SMPD3: variants seen among roughly 807,000 people sequenced by gnomAD.
SMPD3 encodes the protein sphingomyelin phosphodiesterase 3.
In SMPD3, 21 loss-of-function variants were observed where a neutral mutation model predicts 55.7. The ratio of observed to expected loss-of-function variants is 0.38; its 90% confidence interval spans 0.27 to 0.54. The LOEUF (loss-of-function observed/expected upper bound fraction) is 0.54, where lower values mean the gene tolerates loss of function less well. Among genes scored for constraint, SMPD3 ranks in the 20% least tolerant of loss-of-function variants. The pLI is 0.80. For missense variants in SMPD3, 842 were observed against 899.6 expected, an observed-to-expected ratio of 0.94 and a Z score of 0.82; for synonymous variants, 457 against 404.3, an observed-to-expected ratio of 1.13 and a Z score of -1.56.
chr16:68,430,160 A>G (rs2090468432), intron 1 of SMPD3, among the ~76,000 whole-genome samples: 1 of 152,124 alleles, frequency 6.6e-6, no homozygotes, highest in Non-Finnish European at 1.5e-5. Flanking sequence ...CTTTGACCTG[A>G]CAGCAGCAAA....
intron 1 of SMPD3, among the ~76,000 whole-genome samples, chr16:68,434,584 A>G (rs896749644): frequency 1.3e-5 from 2 of 152,240 alleles, no homozygotes; most frequent in Non-Finnish European, 2.9e-5. Flanking sequence ...TTACAAGGGA[A>G]TGTTAAATGC....
intron 3 of SMPD3, among the ~76,000 whole-genome samples, chr16:68,370,482 A>T (rs1417497081): frequency 1.3e-5 from 2 of 151,702 alleles, no homozygotes; most frequent in African/African-American, 4.8e-5. Flanking sequence ...TATCACTGCC[A>T]CCATCTCCAC....
chr16:68,371,554 C>A lies in SMPD3; in HGVS notation c.628G>T (p.Val210Leu). ...VPGSIKRTAS[V>L]EYKGDGGRHP... ...CGCCCACCGTCACCCTTGTACTCCA[C>A]AGAGGCTGTCCTCTTAATGCTCCCG... Residue 210 changes from valine (V) to leucine (L), a missense_variant, in exon 3 of 9, where the codon GTG (valine) becomes TTG (leucine). Transcript: ENST00000219334. 1 of 1,597,192 alleles carries A rather than the reference C, an allele frequency of 6.3e-7. No individual in the cohort carries two copies. The highest frequency in any genetic ancestry group is 8.5e-7 in the Non-Finnish European group (1 of 1,175,426).
chr16:68,381,582 C>T (rs1021996275), intron 2 of SMPD3, among the ~76,000 whole-genome samples: 4 of 152,224 alleles, frequency 2.6e-5, no homozygotes, highest in East Asian at 1.9e-4. Flanking sequence ...AAAGTGATCT[C>T]GGGTATTGCT....
intron 1 of SMPD3, among the ~76,000 whole-genome samples, chr16:68,434,877 G>C (rs1414762680): frequency 2.0e-5 from 3 of 152,196 alleles, no homozygotes; most frequent in African/African-American, 7.2e-5. Flanking sequence ...CTGCAGAGTG[G>C]TTTTAAAGGC....
At chr16:68,386,301 T>C (rs1033661171) in intron 2 of SMPD3, among the ~76,000 whole-genome samples, 6 of 152,178 alleles carry the variant, frequency 3.9e-5, no homozygotes, top group Non-Finnish European at 8.8e-5. Flanking sequence ...ATTCCTTTTA[T>C]GAAGTGCTGC....
intron 1 of SMPD3, among the ~76,000 whole-genome samples, chr16:68,397,350 T>TG (rs2090166490): frequency 6.6e-6 from 1 of 152,168 alleles, no homozygotes; most frequent in African/African-American, 2.4e-5. Flanking sequence ...CATCAACTGT[T>TG]GTCCTGGATA....
intron 1 of SMPD3, among the ~76,000 whole-genome samples, chr16:68,405,324 T>C (rs1227901026): frequency 6.6e-6 from 1 of 151,740 alleles, no homozygotes; most frequent in Non-Finnish European, 1.5e-5. Context: ...GCTGAAGCAA[T>C]CAGATCTCTT....
chr16:68,373,729 G>A (rs1327125203), intron 2 of SMPD3, among the ~76,000 whole-genome samples: 1 of 152,162 alleles, frequency 6.6e-6, no homozygotes, highest in Non-Finnish European at 1.5e-5. Flanking sequence ...GGGCTGCAGG[G>A]ATGCTCTCTA....
intron 1 of SMPD3, among the ~76,000 whole-genome samples, chr16:68,410,135 G>A (rs4783629): frequency 0.76 from 115,880 of 152,166 alleles, 44,488 homozygotes; most frequent in East Asian, 0.88. Flanking sequence ...CAGCTCCACC[G>A]CAAGAGGACT....
chr16:68,435,719 G>A (rs2090518230), intron 1 of SMPD3, among the ~76,000 whole-genome samples: 1 of 152,204 alleles, frequency 6.6e-6, no homozygotes, highest in East Asian at 1.9e-4. Flanking sequence ...CCTGCTGTCA[G>A]TGATCCTCTG....
chr16:68,419,554 C>G (rs1356954092), intron 1 of SMPD3, among the ~76,000 whole-genome samples: 3 of 152,228 alleles, frequency 2.0e-5, no homozygotes, highest in African/African-American at 7.2e-5. Flanking sequence ...TGTCTTTCCT[C>G]AAATCCTGTT....
At chr16:68,400,894 C>A (rs2090199473) in intron 1 of SMPD3, among the ~76,000 whole-genome samples, 1 of 152,242 alleles carries the variant, frequency 6.6e-6, no homozygotes, top group Non-Finnish European at 1.5e-5. Flanking sequence ...GAGAGGATTT[C>A]TCTTCTAAGT....
intron 2 of SMPD3, among the ~76,000 whole-genome samples, chr16:68,375,462 C>A (rs937135881): frequency 5.9e-5 from 9 of 152,228 alleles, no homozygotes; most frequent in Non-Finnish European, 1.3e-4. Flanking sequence ...AGTGTGGCCA[C>A]AGCTCCCTCA....
intron 1 of SMPD3, among the ~76,000 whole-genome samples, chr16:68,407,468 G>T (rs1310732202): frequency 6.6e-6 from 1 of 152,054 alleles, no homozygotes; most frequent in African/African-American, 2.4e-5. Flanking sequence ...CAACTTTAAT[G>T]TTTGACTTTT....
chr16:68,444,659 T>C (rs2090596460), intron 1 of SMPD3, among the ~76,000 whole-genome samples: 1 of 152,214 alleles, frequency 6.6e-6, no homozygotes, highest in South Asian at 2.1e-4. Flanking sequence ...TGTATGAGCA[T>C]GAGGAAATGT....
chr16:68,446,775 C>A (rs1260064567), intron 1 of SMPD3, among the ~76,000 whole-genome samples: 1 of 152,192 alleles, frequency 6.6e-6, no homozygotes, highest in Non-Finnish European at 1.5e-5. Context: ...AGGCCCCTTG[C>A]TCAAGGTGGA....
At chr16:68,422,378 G>C (rs141954284) in intron 1 of SMPD3, among the ~76,000 whole-genome samples, 1 of 152,172 alleles carries the variant, frequency 6.6e-6, no homozygotes, top group Admixed American at 6.5e-5. Flanking sequence ...TGGATGTTGG[G>C]CCTGGTTCTC....
Position 68,372,161 on chromosome 16 carries a change from G to A in SMPD3, c.21C>T (p.Pro7=). The A allele has an allele frequency of 1.2e-6, 2 of 1,612,560 alleles. No individual in the cohort carries two copies. Among genetic ancestry groups the A allele is most frequent in the Non-Finnish European group, 1.7e-6 (2 of 1,179,506 alleles). Residue 7 remains proline, a synonymous_variant, in exon 3 of 9, where the codon CCC becomes CCT. Transcript: ENST00000219334. ...GGGCGGACAGACAGCTGTTAGGAAA[G>A]GGGGTCGTGTACAAAACCATCGCAG... MVLYTT[P]FPNSCLSALH... is the part of the protein sequence containing the mutation.
Sources: gnomAD v4.1 joint callset for allele counts (sites outside exome capture counted in the v4.1 genomes callset) on GRCh38, gnomAD v4.1.1 for gene constraint, MANE v1.5 for transcripts, NCBI Gene and HGNC (gene_info 2026-07-23, HGNC 2026-07-21) for gene names.